LRP5: variants seen among roughly 807,000 people sequenced by gnomAD.
LRP5 encodes LDL receptor related protein 5.
A neutral mutation model predicts 154.1 loss-of-function variants in LRP5; 62 were observed. The observed-to-expected ratio is 0.40, with a 90% CI of 0.33 to 0.50. The LOEUF (loss-of-function observed/expected upper bound fraction) is 0.50. Ranked by LOEUF, LRP5 falls within the 20% of genes least tolerant of loss-of-function variation. The probability of loss-of-function intolerance (pLI) is 0.55; values close to 1 mark genes in which losing one functional copy is unlikely to be tolerated. For missense variants in LRP5, 1,915 were observed against 2,336.7 expected, an observed-to-expected ratio of 0.82 and a Z score of 3.72; for synonymous variants, 966 against 1,011.5, an observed-to-expected ratio of 0.96 and a Z score of 0.85.
chr11:68,398,796 T>A (rs1036976615), intron 7 of LRP5, among the ~76,000 whole-genome samples: 1 of 152,118 alleles, frequency 6.6e-6, no homozygotes, highest in African/African-American at 2.4e-5. Context: ...AGTGCAGTGC[T>A]ATGGCATGGC....
At chr11:68,391,734 G>T (rs74790187) in intron 7 of LRP5, among the ~76,000 whole-genome samples, 19,510 of 152,248 alleles carry the variant, frequency 0.13, 1,697 homozygotes, top group Admixed American at 0.27. Context: ...TTTGCGGGCC[G>T]CTGAGGATGA....
At chr11:68,303,331 C>T in the LRP5 span, among the ~76,000 whole-genome samples, 1 of 152,076 alleles carries the variant, frequency 6.6e-6, no homozygotes, top group Non-Finnish European at 1.5e-5. Context: ...TGATGAGTCT[C>T]AGATGGAAAT....
rs1480612500 is a variant in LRP5, at chr11:68,449,209, G to T, written c.*139G>T. 13 of 522,850 alleles carry T rather than the reference G, an allele frequency of 2.5e-5. No homozygotes were observed. The highest frequency in any genetic ancestry group is 3.8e-5 in the Non-Finnish European group (12 of 318,662). 32.4% of individuals were successfully genotyped at this position (522,850 alleles called of 1,614,324 possible). On this transcript the variant is annotated 3_prime_UTR_variant, in exon 23 of 23. Coordinates refer to ENST00000294304, the MANE Select transcript of LRP5 (RefSeq NM_002335.4). Reference sequence around the variant, plus strand: ...CATGAGAAATGTGAACTGTGATGGGGTGGGCAGGGCTGGGAGAACTTTGTA... The same window carrying T: ...CATGAGAAATGTGAACTGTGATGGGTTGGGCAGGGCTGGGAGAACTTTGTA...
At chr11:68,306,118 G>A in the LRP5 span, among the ~76,000 whole-genome samples, 1 of 152,002 alleles carries the variant, frequency 6.6e-6, no homozygotes. Flanking sequence ...CTCCTCTTCT[G>A]TCTCAGATCT....
chr11:68,300,858 A>G, the LRP5 span, among the ~76,000 whole-genome samples: 139 of 149,534 alleles, frequency 9.3e-4, 11 homozygotes, highest in Non-Finnish European at 1.4e-3. Context: ...TGGCTGATAT[A>G]TACATTTATT....
At chr11:68,330,321 T>C (rs112366896) in intron 1 of LRP5, among the ~76,000 whole-genome samples, 4 of 148,234 alleles carry the variant, frequency 2.7e-5, no homozygotes, top group African/African-American at 9.8e-5. Flanking sequence ...GGAGGACACA[T>C]GGCTTTCAGG....
At chr11:68,321,887 G>A (rs559866888) in intron 1 of LRP5, among the ~76,000 whole-genome samples, 15 of 152,302 alleles carry the variant, frequency 9.8e-5, no homozygotes, top group Middle Eastern at 3.4e-3. Flanking sequence ...CTATCTGAGC[G>A]TGTGGCCTGG....
chr11:68,363,795 C>T lies in LRP5; in HGVS notation c.735C>T (p.Leu245=), dbSNP rs1485536963. The T allele has an allele frequency of 6.2e-7, 1 of 1,613,042 alleles. No individual in the cohort carries two copies. Among genetic ancestry groups the T allele is most frequent in the African/African-American group, 1.3e-5 (1 of 74,816 alleles). ...GSLTHPFALT[L]SGDTLYWTDW... is the part of the protein sequence containing the mutation. Reference sequence around the variant, plus strand: ...TGACGCACCCCTTCGCCCTGACGCTCTCCGGGGACACTCTGTACTGGACAG... The same window carrying T: ...TGACGCACCCCTTCGCCCTGACGCTTTCCGGGGACACTCTGTACTGGACAG... Residue 245 remains leucine (L), a synonymous_variant, in exon 4 of 23, where the codon CTC becomes CTT. Transcript: ENST00000294304.
the LRP5 span, among the ~76,000 whole-genome samples, chr11:68,307,066 C>T: frequency 6.6e-6 from 1 of 152,136 alleles, no homozygotes. Flanking sequence ...CCTGTAATCC[C>T]AGCTACTCGG....
chr11:68,414,400 G>A (rs922838789), intron 12 of LRP5, among the ~76,000 whole-genome samples: 2 of 152,150 alleles, frequency 1.3e-5, no homozygotes, highest in African/African-American at 4.8e-5. Flanking sequence ...CAAGGAACCC[G>A]ATGCACAGAG....
chr11:68,301,221 C>A, the LRP5 span, among the ~76,000 whole-genome samples: 2 of 149,612 alleles, frequency 1.3e-5, no homozygotes, highest in African/African-American at 4.8e-5. Flanking sequence ...TGTGAGCCAT[C>A]CCTGTCAGGG....
At position 68,433,666 on chromosome 11, in the gene LRP5, G is replaced by A; in HGVS notation, c.3828G>A (p.Gly1276=). The A allele has an allele frequency of 6.2e-7, 1 of 1,613,446 alleles. No individual in the cohort carries two copies. The change falls in exon 18 of 23, where the codon GGG becomes GGA. Residue 1276 remains glycine (G), a synonymous_variant. Transcript: ENST00000294304. ...CATGEIDCIP[G]AWRCDGFPEC... is the part of the protein sequence containing the mutation. ...CAGGGGAGATCGACTGTATCCCCGG[G>A]GCCTGGCGCTGTGACGGCTTTCCCG...
rs374747007 is a variant in LRP5, at chr11:68,446,536, A to G, written c.4586+3A>G. 19 of 1,612,200 alleles carry G rather than the reference A, an allele frequency of 1.2e-5. No individual in the cohort carries two copies. The highest frequency in any genetic ancestry group is 1.6e-5 in the Non-Finnish European group (19 of 1,178,400). Reference sequence around the variant, plus strand: ...CCGGCCACTGCGAGACCGTACAGGTAGGACATCCCCTGCAGCCCTCCATGG... The same window carrying G: ...CCGGCCACTGCGAGACCGTACAGGTGGGACATCCCCTGCAGCCCTCCATGG... On this transcript the variant is annotated splice_donor_region_variant and intron_variant, in intron 22 of 22. Coordinates refer to ENST00000294304, the MANE Select transcript of LRP5 (RefSeq NM_002335.4).
At chr11:68,340,096 T>C (rs1216728029) in intron 1 of LRP5, among the ~76,000 whole-genome samples, 1 of 151,980 alleles carries the variant, frequency 6.6e-6, no homozygotes, top group Non-Finnish European at 1.5e-5. Flanking sequence ...CAAAATTAGC[T>C]GGGCGTGGTG....
At chr11:68,432,366 G>A (rs964868569) in intron 17 of LRP5, among the ~76,000 whole-genome samples, 2 of 152,192 alleles carry the variant, frequency 1.3e-5, no homozygotes, top group African/African-American at 4.8e-5. Context: ...GACATCTGTC[G>A]TTGGCTCCTC....
At position 68,416,426 on chromosome 11, in the gene LRP5, C is replaced by G; in HGVS notation, c.2926C>G (p.Leu976Val). The change falls in exon 13 of 23, where the codon CTG becomes GTG. Residue 976 changes from leucine to valine, a missense_variant. Transcript: ENST00000294304. ...GGATCTCATCCTGCCCCTGCATGGA[C>G]TGAGGAACGTCAAAGCCATCGACTA... ...SPDLILPLHG[L>V]RNVKAIDYDP... 6.2e-7 allele frequency: 1 copy of G among 1,614,208 alleles called. No individual in the cohort carries two copies.
In LRP5 at chr11:68,447,049, G is replaced by A. The variant is rs568885899; in HGVS notation, c.4586+516G>A. On this transcript the variant is annotated intron_variant, in intron 22 of 22. Transcript: ENST00000294304. This position sits in a 1 kb window ranked among gnomAD's most constrained non-coding sequence, Gnocchi z 4.3. ...GCCTGTTTGAGCCCGGGAAGCCAAC[G>A]GGGCTGCTCAGCTGGACACCAGCCC... The A allele has an allele frequency of 1.0e-4, 19 of 187,430 alleles. No individual in the cohort carries two copies. In the South Asian group the frequency reaches 1.2e-3, roughly 12 times the overall value. 11.6% of individuals were successfully genotyped at this position (187,430 alleles called of 1,614,324 possible).
intron 21 of LRP5, among the ~76,000 whole-genome samples, chr11:68,445,956 G>A (rs144686044): frequency 1.3e-4 from 20 of 152,360 alleles, no homozygotes; most frequent in Admixed American, 1.1e-3. Flanking sequence ...GAACAAGGGC[G>A]TCATTGCAGG....
chr11:68,396,906 G>A (rs1346391780), intron 7 of LRP5, among the ~76,000 whole-genome samples: 2 of 152,206 alleles, frequency 1.3e-5, no homozygotes, highest in Non-Finnish European at 2.9e-5. Flanking sequence ...TGAAGCCCGA[G>A]TGGTCGTGGG....
Sources: gnomAD v4.1 joint callset for allele counts (sites outside exome capture counted in the v4.1 genomes callset) on GRCh38, gnomAD v4.1.1 for gene constraint, Gnocchi (gnomAD v3.1) non-coding constraint, MANE v1.5 for transcripts, NCBI Gene and HGNC (gene_info 2026-07-23, HGNC 2026-07-21) for gene names.